CCL24: variants seen among roughly 807,000 people sequenced by gnomAD.
The protein encoded by CCL24 is C-C motif chemokine 24.
A neutral mutation model predicts 8.6 loss-of-function variants in CCL24; 6 were observed. That is an observed-to-expected ratio of 0.70 (90% confidence interval 0.38 to 1.38). The LOEUF is 1.38. CCL24 is among the 40% of genes most tolerant of loss of function. CCL24 has a pLI of 0.02. For missense variants in CCL24, 126 were observed against 147.1 expected, an observed-to-expected ratio of 0.86 and a Z score of 0.74; for synonymous variants, 59 against 52.7, an observed-to-expected ratio of 1.12 and a Z score of -0.52.
At chr7:75,812,049 C>T (rs1280017338) in intron 2 of CCL24, 85 bp from the exon 3 acceptor site, 1 of 1,144,764 alleles carries the variant, frequency 8.7e-7, no homozygotes, top group African/African-American at 1.6e-5. Flanking sequence ...ATGTGGACGC[C>T]CAGAGACAGT....
At chr7:75,812,798 T>C (rs1803796843) in intron 2 of CCL24, among the ~76,000 whole-genome samples, 1 of 152,002 alleles carries the variant, frequency 6.6e-6, no homozygotes. Context: ...GGCATGGTGG[T>C]GCGTACCTGT....
intron 1 of CCL24, among the ~76,000 whole-genome samples, chr7:75,822,467 G>A (rs1244355926): frequency 3.3e-5 from 5 of 152,188 alleles, no homozygotes; most frequent in African/African-American, 9.7e-5. Flanking sequence ...CCCTTCAGCT[G>A]TTCCCCTAAA....
chr7:75,820,292 C>T (rs1389836761), intron 1 of CCL24, among the ~76,000 whole-genome samples: 1 of 151,834 alleles, frequency 6.6e-6, no homozygotes, highest in Non-Finnish European at 1.5e-5. Flanking sequence ...AATTCTCCTG[C>T]CTCTGCCTCC....
intron 2 of CCL24, among the ~76,000 whole-genome samples, chr7:75,812,251 A>AT (rs1348626887): frequency 9.2e-5 from 14 of 151,384 alleles, no homozygotes; most frequent in Non-Finnish European, 1.5e-4. Flanking sequence ...TGCCCAGCTA[A>AT]TTTTTTTTAT....
chr7:75,819,505 G>A (rs551117138), intron 1 of CCL24, among the ~76,000 whole-genome samples: 2 of 150,054 alleles, frequency 1.3e-5, no homozygotes, highest in East Asian at 2.0e-4. Flanking sequence ...GTGCATGCCT[G>A]TAGTCCCAGC....
Position 75,820,018 on chromosome 7 carries a change from A to ACTTCCTCTTCTT in CCL24, c.-60+3303_-60+3304insAAGAAGAGGAAG, listed in dbSNP as rs1554534774. ...CGGATGTAAGGGCTTTTAGTAAACT[A>ACTTCCTCTTCTT]CTTCTTCTTCTTCTTCTTCTTCTTC... On this transcript the variant is annotated intron_variant, in intron 1 of 3. Transcript: ENST00000416943. 1.9e-3 allele frequency among the ~76,000 whole-genome samples: 199 copies of ACTTCCTCTTCTT among 104,902 alleles called. 3 individuals are homozygous for ACTTCCTCTTCTT. The highest frequency in any genetic ancestry group is 7.7e-3 in the South Asian group (22 of 2,870). 68.8% of individuals were successfully genotyped at this position (104,902 alleles called of 152,430 possible).
chr7:75,817,754 C>T (rs1338056767), upstream of CCL24, among the ~76,000 whole-genome samples: 3 of 151,980 alleles, frequency 2.0e-5, no homozygotes, highest in Non-Finnish European at 4.4e-5. Flanking sequence ...TTACCCACCT[C>T]GGCCTCCCAA....
At chr7:75,812,917 C>G (rs1350955682) in intron 2 of CCL24, among the ~76,000 whole-genome samples, 5 of 147,710 alleles carry the variant, frequency 3.4e-5, no homozygotes, top group Non-Finnish European at 7.5e-5. Flanking sequence ...GTGATAGAGA[C>G]TCTGTCTCAG....
upstream of CCL24, among the ~76,000 whole-genome samples, chr7:75,815,095 T>A (rs1803861971): frequency 6.6e-6 from 1 of 151,588 alleles, no homozygotes; most frequent in Non-Finnish European, 1.5e-5. Context: ...TCCCAATGCT[T>A]TAGGAGGCTG....
chr7:75,820,372 G>T (rs1388857643), intron 1 of CCL24, among the ~76,000 whole-genome samples: 1 of 151,944 alleles, frequency 6.6e-6, no homozygotes, highest in Non-Finnish European at 1.5e-5. Flanking sequence ...GTGGAGGCGG[G>T]GTTCCACCAT....
chr7:75,813,427 G>A lies in CCL24; in HGVS notation c.74-4C>T. On this transcript the variant is annotated splice_polypyrimidine_tract_variant and splice_region_variant and intron_variant, in intron 1 of 2. Transcript: ENST00000222902. ...GGAGAGGGGATGACCACAGAGCCTA[G>A]AAGAGGAGAGAGAGAAGAGCCACGT... 5.0e-6 allele frequency: 8 copies of A among 1,593,580 alleles called. No individual in the cohort carries two copies. The highest frequency in any genetic ancestry group is 6.9e-6 in the Non-Finnish European group (8 of 1,162,030).
At chr7:75,814,068 A>G (rs1039197874), upstream of CCL24, among the ~76,000 whole-genome samples, 2 of 151,960 alleles carry the variant, frequency 1.3e-5, no homozygotes, top group African/African-American at 4.8e-5. Context: ...TGTGTTGGCC[A>G]CTCCCTGTGG....
Position 75,811,619 on chromosome 7 carries a change from C to T in CCL24, c.*177G>A. On this transcript the variant is annotated 3_prime_UTR_variant, in exon 3 of 3. Transcript: ENST00000222902. The stretch of plus-strand genomic sequence containing the variant: ...GGATGCTTGGAGCCATTGCTCAGCC[C>T]CCGGGAACCACATCACCTGCTCCCT... The T allele has an allele frequency of 1.8e-6, 1 of 562,332 alleles. No individual in the cohort carries two copies. The highest frequency in any genetic ancestry group is 3.1e-6 in the Non-Finnish European group (1 of 327,586). 34.8% of individuals were successfully genotyped at this position (562,332 alleles called of 1,614,324 possible). A position where few individuals can be genotyped will look rare whatever the true frequency, so the allele number is the denominator to read the frequency against.
intron 1 of CCL24, among the ~76,000 whole-genome samples, chr7:75,819,682 C>G (rs1206221736): frequency 2.0e-5 from 3 of 151,850 alleles, no homozygotes; most frequent in Admixed American, 6.6e-5. Flanking sequence ...AAAGGGGGCA[C>G]TGGATCTGAT....
At position 75,813,325 on chromosome 7, in the gene CCL24, A is replaced by T. The variant is rs1803814950; in HGVS notation, c.172T>A (p.Cys58Ser). ...VSYQLSSRST[C>S]LKAGVIFTTK... ...ACCTACATCACTCCTGCCTTGAGGC[A>T]TGTGCTCCTGCTGGACAGCTGGTAG... The change falls in exon 2 of 3, where the codon TGC becomes AGC. Residue 58 changes from cysteine (C) to serine (S), a missense_variant. Transcript: ENST00000222902. The T allele has an allele frequency of 2.5e-6, 4 of 1,609,460 alleles. No individual in the cohort carries two copies. In the Admixed American group the frequency reaches 5.0e-5, roughly 20 times the overall value.
Position 75,820,518 on chromosome 7 carries a change from A to G in CCL24, c.-60+2804T>C, listed in dbSNP as rs191226459. On this transcript the variant is annotated intron_variant, in intron 1 of 3. Transcript: ENST00000416943. ...GTCTTCACCATCTAGCAGGAACCAG[A>G]CCCTTAAGCTAGAGGAACTCAGCCC... 3.0e-3 allele frequency among the ~76,000 whole-genome samples: 463 copies of G among 152,168 alleles called. 3 individuals are homozygous for G. The highest frequency in any genetic ancestry group is 0.01 in the African/African-American group (432 of 41,516).
At chr7:75,819,645 C>T (rs1386543536) in intron 1 of CCL24, among the ~76,000 whole-genome samples, 2 of 151,626 alleles carry the variant, frequency 1.3e-5, no homozygotes, top group Admixed American at 6.6e-5. Flanking sequence ...AGATAAATGA[C>T]TTTAAATACC....
chr7:75,816,223 G>C (rs1803886785), upstream of CCL24, among the ~76,000 whole-genome samples: 1 of 152,174 alleles, frequency 6.6e-6, no homozygotes, highest in South Asian at 2.1e-4. Flanking sequence ...ACTTCCTCTG[G>C]ACCAGGGACT....
chr7:75,821,995 C>T (rs960002293), intron 1 of CCL24, among the ~76,000 whole-genome samples: 1 of 146,666 alleles, frequency 6.8e-6, no homozygotes, highest in Non-Finnish European at 1.5e-5. Flanking sequence ...CCAGCTACTC[C>T]GGAGGCTGAG....
Sources: gnomAD v4.1 joint callset for allele counts (sites outside exome capture counted in the v4.1 genomes callset) on GRCh38, gnomAD v4.1.1 for gene constraint, MANE v1.5 for transcripts, NCBI Gene and HGNC (gene_info 2026-07-23, HGNC 2026-07-21) for gene names.